Variants in SSBP2 observed in about 807,000 individuals in gnomAD.
SSBP2 encodes single stranded DNA binding protein 2.
In SSBP2, 17 loss-of-function variants were observed where a neutral mutation model predicts 61.8. The ratio of observed to expected loss-of-function variants is 0.28; its 90% CI spans 0.19 to 0.41. SSBP2 has a LOEUF of 0.41. Ranked by LOEUF, SSBP2 falls within the 10% of genes least tolerant of loss-of-function variation. The pLI, the probability that SSBP2 is intolerant of heterozygous loss-of-function variation, is 1.00. For synonymous variants in SSBP2, 139 were observed against 141.3 expected (o/e 0.98, Z 0.12); for missense variants, 310 against 458.7 (o/e 0.68, Z 2.96).
At chr5:81,638,081 A>C (rs447747) in intron 2 of SSBP2, among the ~76,000 whole-genome samples, 37,096 of 134,932 alleles carry the variant, frequency 0.27, 6,145 homozygotes, top group East Asian at 0.65. Context: ...GGAAGGGGAA[A>C]ATCACACTCT....
chr5:81,576,051 C>T (rs1774186946), intron 4 of SSBP2, among the ~76,000 whole-genome samples: 1 of 152,150 alleles, frequency 6.6e-6, no homozygotes. Context: ...GAAGAGATAA[C>T]TGGGGTCCAG....
chr5:81,467,850 CTAAACCTT>C (rs1328105137), intron 8 of SSBP2, among the ~76,000 whole-genome samples: 1 of 151,844 alleles, frequency 6.6e-6, no homozygotes. Flanking sequence ...TTTTATTTTG[CTAAACCTT>C]TAAATGTTGC....
intron 4 of SSBP2, among the ~76,000 whole-genome samples, chr5:81,517,468 T>C (rs893441245): frequency 1.3e-5 from 2 of 151,698 alleles, no homozygotes; most frequent in Non-Finnish European, 2.9e-5. Flanking sequence ...AAATCCAATA[T>C]TTTAAATTTG....
intron 1 of SSBP2, among the ~76,000 whole-genome samples, chr5:81,687,110 G>A (rs1752870479): frequency 6.6e-6 from 1 of 152,178 alleles, no homozygotes; most frequent in Non-Finnish European, 1.5e-5. Context: ...GAGTAGAAAA[G>A]ACAGTTTTGA....
At chr5:81,552,488 A>T (rs2154130878) in intron 4 of SSBP2, among the ~76,000 whole-genome samples, 1 of 152,218 alleles carries the variant, frequency 6.6e-6, no homozygotes, top group South Asian at 2.1e-4. Flanking sequence ...AAATACAAAA[A>T]TTAGCCAGGT....
At chr5:81,626,761 T>C (rs1326939337) in intron 3 of SSBP2, among the ~76,000 whole-genome samples, 1 of 152,200 alleles carries the variant, frequency 6.6e-6, no homozygotes, top group Non-Finnish European at 1.5e-5. Context: ...AGAAAACTTT[T>C]GAGTCCCATT....
chr5:81,483,761 A>G (rs1314937626), intron 6 of SSBP2, among the ~76,000 whole-genome samples: 2 of 151,140 alleles, frequency 1.3e-5, no homozygotes, highest in Non-Finnish European at 2.9e-5. Flanking sequence ...TGACATATAT[A>G]TATACACACA....
At chr5:81,635,835 C>T (rs939509669) in intron 3 of SSBP2, among the ~76,000 whole-genome samples, 5 of 152,144 alleles carry the variant, frequency 3.3e-5, no homozygotes, top group African/African-American at 1.2e-4. Context: ...CCACCCGCCT[C>T]GGCCTCCCAA....
At chr5:81,432,483 A>G (rs1762354325) in intron 15 of SSBP2, among the ~76,000 whole-genome samples, 1 of 152,164 alleles carries the variant, frequency 6.6e-6, no homozygotes, top group Non-Finnish European at 1.5e-5. Flanking sequence ...ACGGTGGCTC[A>G]TGCCTGTAAT....
intron 10 of SSBP2, 21 bp downstream of exon 10, chr5:81,461,034 A>AT: frequency 7.7e-7 from 1 of 1,297,972 alleles, no homozygotes; most frequent in Admixed American, 3.1e-5. Flanking sequence ...AATATTAAAA[A>AT]AAATATATAT....
At chr5:81,435,327 T>C (rs1762607263) in intron 15 of SSBP2, among the ~76,000 whole-genome samples, 1 of 152,204 alleles carries the variant, frequency 6.6e-6, no homozygotes, top group Non-Finnish European at 1.5e-5. Context: ...GGCGTCAACA[T>C]TTACTGAATG....
intron 4 of SSBP2, among the ~76,000 whole-genome samples, chr5:81,579,244 TC>T (rs1774466116): frequency 1.3e-5 from 2 of 152,212 alleles, no homozygotes; most frequent in South Asian, 4.1e-4. Context: ...TTGTTTTTTT[TC>T]ATAAAGTTTT....
intron 1 of SSBP2, among the ~76,000 whole-genome samples, chr5:81,749,654 T>C (rs1049552977): frequency 2.1e-5 from 3 of 143,194 alleles, no homozygotes; most frequent in Admixed American, 1.5e-4. Flanking sequence ...ATCACTGATC[T>C]GTTGCACAGT....
chr5:81,699,854 C>CTTTTTTTT (rs3081889), intron 1 of SSBP2, among the ~76,000 whole-genome samples: 1 of 124,862 alleles, frequency 8.0e-6, no homozygotes, highest in Non-Finnish European at 1.7e-5. Flanking sequence ...AAATCAATTT[C>CTTTTTTTT]TTTTTTTTTT....
At chr5:81,576,109 T>C (rs1774191079) in intron 4 of SSBP2, among the ~76,000 whole-genome samples, 1 of 152,104 alleles carries the variant, frequency 6.6e-6, no homozygotes, top group Non-Finnish European at 1.5e-5. Context: ...AGTTTGTGCA[T>C]AGTTTAGTTC....
chr5:81,462,065 A>T (rs1456118306), intron 9 of SSBP2, among the ~76,000 whole-genome samples: 1 of 152,164 alleles, frequency 6.6e-6, no homozygotes, highest in Admixed American at 6.6e-5. Context: ...TAAAATTCTA[A>T]ATCAGGAGTG....
chr5:81,605,224 TAC>T (rs993952918), intron 4 of SSBP2, among the ~76,000 whole-genome samples: 17 of 152,218 alleles, frequency 1.1e-4, no homozygotes, highest in Middle Eastern at 3.4e-3. Context: ...GTAAAATAAG[TAC>T]AGTGTCTATC....
intron 4 of SSBP2, among the ~76,000 whole-genome samples, chr5:81,577,934 T>G (rs1286955565): frequency 6.6e-6 from 1 of 152,024 alleles, no homozygotes; most frequent in Non-Finnish European, 1.5e-5. Flanking sequence ...ACACATTACA[T>G]GAATCATCAT....
At chr5:81,648,678 T>A (rs191534321) in intron 2 of SSBP2, among the ~76,000 whole-genome samples, 15 of 152,202 alleles carry the variant, frequency 9.9e-5, no homozygotes, top group African/African-American at 2.9e-4. Context: ...AAGAGCCACA[T>A]GTATAATTTA....
Sources: gnomAD v4.1 joint callset for allele counts (sites outside exome capture counted in the v4.1 genomes callset) on GRCh38, gnomAD v4.1.1 for gene constraint, MANE v1.5 for transcripts, NCBI Gene and HGNC (gene_info 2026-07-23, HGNC 2026-07-21) for gene names.